The following SYT6 variants were observed in gnomAD, a reference collection of about 807,000 sequenced individuals.
The protein encoded by SYT6 is synaptotagmin-6.
SYT6 carries 24 observed loss-of-function variants against 38.4 expected under a neutral mutation model. The observed-to-expected ratio is 0.62, with a 90% CI of 0.45 to 0.88. The LOEUF (loss-of-function observed/expected upper bound fraction) is 0.88, where lower values mean the gene tolerates loss of function less well. Ranked by LOEUF, SYT6 falls within the 40% of genes least tolerant of loss-of-function variation. The probability of loss-of-function intolerance (pLI) is 0.00; values close to 1 mark genes in which losing one functional copy is unlikely to be tolerated. For synonymous variants in SYT6, 265 were observed against 241.9 expected, an observed-to-expected ratio of 1.10 and a Z score of -0.89; for missense variants, 611 against 621.0, an observed-to-expected ratio of 0.98 and a Z score of 0.17.
intron 3 of SYT6, among the ~76,000 whole-genome samples, chr1:114,133,675 T>A (rs148996308): frequency 6.6e-6 from 1 of 152,282 alleles, no homozygotes; most frequent in East Asian, 1.9e-4. Context: ...AAAATTTCCA[T>A]CCTAGGCCTG....
rs567212478 is a variant in SYT6 at position 114,135,749 on chromosome 1, A to G, written c.1071+1746T>C. Among the ~76,000 whole-genome samples, 9 of 152,306 alleles carry G rather than the reference A, an allele frequency of 5.9e-5. 1 individual carries two copies. In the South Asian group the frequency reaches 1.9e-3, roughly 32 times the overall value. ...AGATGGTGGGCTCTGGCAAGGAGCA[A>G]AGGAGGCTCCTAGAAGGGCTGGGCT... On this transcript the variant is annotated intron_variant, in intron 3 of 7. Transcript: ENST00000610222.
intron 2 of SYT6, among the ~76,000 whole-genome samples, chr1:114,138,717 ATG>A (rs918083148): frequency 3.3e-5 from 5 of 152,254 alleles, no homozygotes. Flanking sequence ...TAAGCAATAT[ATG>A]TGTTAGCTCT....
intron 3 of SYT6, among the ~76,000 whole-genome samples, chr1:114,126,300 C>T (rs550010526): frequency 1.3e-5 from 2 of 152,302 alleles, no homozygotes; most frequent in South Asian, 4.2e-4. Context: ...AGTCATAACA[C>T]CATGGTCCGC....
intron 3 of SYT6, among the ~76,000 whole-genome samples, chr1:114,129,343 G>A (rs1225525562): frequency 1.3e-5 from 2 of 152,038 alleles, no homozygotes; most frequent in East Asian, 3.9e-4. Context: ...CAGTAGTCTA[G>A]TCCCCGCCCA....
At chr1:114,100,961 G>A (rs1675936013) in intron 4 of SYT6, among the ~76,000 whole-genome samples, 1 of 152,122 alleles carries the variant, frequency 6.6e-6, no homozygotes, top group African/African-American at 2.4e-5. Flanking sequence ...CATATCATGA[G>A]GCTTGGAAAA....
chr1:114,137,400 C>T (rs938152725), intron 3 of SYT6, 95 bp downstream of exon 3: 5 of 1,404,326 alleles, frequency 3.6e-6, no homozygotes, highest in Non-Finnish European at 3.9e-6. Context: ...ATGGCAAAGG[C>T]CCATTTGTCT....
intron 3 of SYT6, among the ~76,000 whole-genome samples, chr1:114,118,838 G>A (rs1174806591): frequency 1.3e-5 from 2 of 152,322 alleles, no homozygotes. Flanking sequence ...TCCTCAAGGG[G>A]GCAGGGTCCC....
Position 114,124,371 on chromosome 1 carries a change from G to C in SYT6, c.1071+13124C>G, listed in dbSNP as rs77264643. Among the ~76,000 whole-genome samples the C allele has an allele frequency of 1.3e-3, 195 of 152,268 alleles. 1 individual carries two copies. The highest frequency in any genetic ancestry group is 4.6e-3 in the African/African-American group (191 of 41,554). On this transcript the variant is annotated intron_variant, in intron 3 of 7. Coordinates refer to ENST00000610222, the MANE Select transcript of SYT6 (RefSeq NM_001253772.2). ...CCGGAACTGAGCTACACCTGGGGAT[G>C]GGGCTGGGGCTGGACAGAAGTCAGG...
intron 3 of SYT6, among the ~76,000 whole-genome samples, chr1:114,117,642 G>A (rs1251567018): frequency 1.3e-5 from 2 of 152,184 alleles, no homozygotes; most frequent in Non-Finnish European, 2.9e-5. Flanking sequence ...ACCCAGCAGC[G>A]CCTTCAATCA....
chr1:114,108,484 C>G (rs576197859), intron 3 of SYT6, among the ~76,000 whole-genome samples: 1 of 152,274 alleles, frequency 6.6e-6, no homozygotes, highest in African/African-American at 2.4e-5. Flanking sequence ...CAAATCATTT[C>G]CCATCTCTGG....
intron 3 of SYT6, among the ~76,000 whole-genome samples, chr1:114,110,943 T>C (rs1676638267): frequency 6.6e-6 from 1 of 152,216 alleles, no homozygotes; most frequent in Non-Finnish European, 1.5e-5. Flanking sequence ...ATTTCACACT[T>C]GTTTTGTAGT....
intron 5 of SYT6, among the ~76,000 whole-genome samples, chr1:114,098,214 C>T (rs1439043625): frequency 6.6e-6 from 1 of 152,200 alleles, no homozygotes; most frequent in African/African-American, 2.4e-5. Flanking sequence ...ACTGAGACAT[C>T]AGTATTTGCA....
intron 1 of SYT6, among the ~76,000 whole-genome samples, chr1:114,140,398 A>G (rs1678799145): frequency 6.6e-6 from 1 of 152,184 alleles, no homozygotes; most frequent in Admixed American, 6.5e-5. Context: ...GGCCAGACTT[A>G]GAGTCATTTT....
intron 1 of SYT6, among the ~76,000 whole-genome samples, chr1:114,148,001 G>A (rs1679241744): frequency 1.3e-5 from 2 of 152,196 alleles, no homozygotes; most frequent in South Asian, 4.1e-4. Flanking sequence ...TCTGAGGGAC[G>A]TCAGGCCCCT....
chr1:114,093,808 T>C lies in SYT6; in HGVS notation c.1516-5A>G. On this transcript the variant is annotated splice_polypyrimidine_tract_variant and splice_region_variant and intron_variant, in intron 6 of 7. Coordinates refer to ENST00000610222, the MANE Select transcript of SYT6 (RefSeq NM_001253772.2). ...AAATCACAACCGAGGGTTTCCCTGGTGAAATATTTTAGATAAATAAATGCC... is the reference window on the plus strand; with the variant it reads ...AAATCACAACCGAGGGTTTCCCTGGCGAAATATTTTAGATAAATAAATGCC... 6.2e-7 allele frequency: 1 copy of C among 1,614,090 alleles called. No individual in the cohort carries two copies. Among genetic ancestry groups the C allele is most frequent in the African/African-American group, 1.3e-5 (1 of 75,052 alleles).
At position 114,091,921 on chromosome 1, in the gene SYT6, G is replaced by A. The variant is rs539551152; in HGVS notation, c.*213C>T. On this transcript the variant is annotated 3_prime_UTR_variant, in exon 8 of 8. Coordinates refer to ENST00000610222, the MANE Select transcript of SYT6 (RefSeq NM_001253772.2). ...GTGACGGACGGCTGCCGCTGCTGCC[G>A]CCACTGCGACTGCACAACACTGTTT... The A allele has an allele frequency of 1.3e-5, 18 of 1,364,782 alleles. No homozygotes were observed. The South Asian group carries it at 1.4e-4, about 11-fold the overall frequency. The allele number at this position is 1,364,782 out of a possible 1,614,324, so 84.5% of individuals were successfully genotyped here. A position where few individuals can be genotyped will look rare whatever the true frequency, so the allele number is the denominator to read the frequency against.
At chr1:114,150,805 T>G (rs916665690) in intron 1 of SYT6, among the ~76,000 whole-genome samples, 1 of 152,170 alleles carries the variant, frequency 6.6e-6, no homozygotes, top group Non-Finnish European at 1.5e-5. Context: ...AAACTTGCTT[T>G]TAGTTTGGAC....
chr1:114,113,996 G>C (rs2101019611), intron 3 of SYT6, among the ~76,000 whole-genome samples: 1 of 152,248 alleles, frequency 6.6e-6, no homozygotes, highest in Non-Finnish European at 1.5e-5. Context: ...AATGCCCCAG[G>C]CTCTTCCTGC....
chr1:114,116,264 G>A (rs2101025226), intron 3 of SYT6, among the ~76,000 whole-genome samples: 1 of 152,306 alleles, frequency 6.6e-6, no homozygotes, highest in South Asian at 2.1e-4. Flanking sequence ...AGCAGACACT[G>A]CCTCAGGGGA....
Sources: gnomAD v4.1 joint callset for allele counts (sites outside exome capture counted in the v4.1 genomes callset) on GRCh38, gnomAD v4.1.1 for gene constraint, MANE v1.5 for transcripts, NCBI Gene and HGNC (gene_info 2026-07-23, HGNC 2026-07-21) for gene names.